The following KCNC2 variants were observed in gnomAD, a reference collection of about 807,000 sequenced individuals.
KCNC2 encodes the protein potassium voltage-gated channel subfamily C member 2, also known as voltage-gated potassium channel KCNC2.
A neutral mutation model predicts 44.5 loss-of-function variants in KCNC2; 21 were observed. The observed-to-expected ratio is 0.47, with a 90% CI of 0.33 to 0.68. The LOEUF (loss-of-function observed/expected upper bound fraction) is 0.68. KCNC2 is among the 30% of genes least tolerant of loss of function. KCNC2 has a pLI of 0.01. For synonymous variants in KCNC2, 391 were observed against 339.1 expected (o/e 1.15, Z -1.68); for missense variants, 589 against 826.2 (o/e 0.71, Z 3.52).
intron 2 of KCNC2, among the ~76,000 whole-genome samples, chr12:75,052,209 C>T (rs1881253210): frequency 1.3e-5 from 2 of 152,072 alleles, no homozygotes; most frequent in Non-Finnish European, 2.9e-5. Context: ...AGCACTACTC[C>T]TACTCCATTT....
chr12:75,200,189 T>C (rs2031122622), intron 2 of KCNC2, among the ~76,000 whole-genome samples: 1 of 151,872 alleles, frequency 6.6e-6, no homozygotes, highest in Non-Finnish European at 1.5e-5. Flanking sequence ...AATTTGTGCA[T>C]TTAGTGTTAA....
chr12:75,056,826 G>A (rs936415), intron 2 of KCNC2, among the ~76,000 whole-genome samples: 134,329 of 152,020 alleles, frequency 0.88, 59,492 homozygotes, highest in Admixed American at 0.91. Flanking sequence ...ACATGGAATG[G>A]TCTCCAAGGA....
At chr12:75,193,106 A>G (rs1375365420) in intron 2 of KCNC2, among the ~76,000 whole-genome samples, 1 of 152,178 alleles carries the variant, frequency 6.6e-6, no homozygotes, top group South Asian at 2.1e-4. Context: ...CGACAACAAA[A>G]TAGTGTTCCT....
At chr12:75,201,381 C>A (rs1006004400) in intron 2 of KCNC2, among the ~76,000 whole-genome samples, 2 of 150,284 alleles carry the variant, frequency 1.3e-5, no homozygotes, top group Middle Eastern at 3.2e-3. Context: ...CTTCCTCTCT[C>A]CCCCAGAATC....
At chr12:75,194,279 C>G (rs2030562456) in intron 2 of KCNC2, among the ~76,000 whole-genome samples, 1 of 151,992 alleles carries the variant, frequency 6.6e-6, no homozygotes, top group African/African-American at 2.4e-5. Flanking sequence ...AAACAGAGAC[C>G]CATACACTGA....
chr12:75,184,800 A>G (rs1892822928), intron 2 of KCNC2, among the ~76,000 whole-genome samples: 1 of 152,226 alleles, frequency 6.6e-6, no homozygotes, highest in South Asian at 2.1e-4. Context: ...CTGAAGAGCC[A>G]CTTATGTACT....
At chr12:75,086,922 G>C (rs1047980780) in intron 2 of KCNC2, among the ~76,000 whole-genome samples, 1 of 151,698 alleles carries the variant, frequency 6.6e-6, no homozygotes, top group Non-Finnish European at 1.5e-5. Flanking sequence ...AAATTCAAAA[G>C]CACTTTTTGA....
chr12:75,093,146 A>C (rs948064593), intron 2 of KCNC2, among the ~76,000 whole-genome samples: 5 of 151,578 alleles, frequency 3.3e-5, no homozygotes, highest in African/African-American at 1.2e-4. Context: ...CATGATTCAT[A>C]GAATCAAAAT....
At chr12:75,090,192 A>G (rs1458613) in intron 2 of KCNC2, among the ~76,000 whole-genome samples, 35,662 of 151,662 alleles carry the variant, frequency 0.24, 4,528 homozygotes, top group Admixed American at 0.3. Context: ...CAGAAATGCT[A>G]AATGTCTTCC....
At chr12:75,182,614 C>G (rs1316353919) in intron 2 of KCNC2, among the ~76,000 whole-genome samples, 1 of 151,348 alleles carries the variant, frequency 6.6e-6, no homozygotes, top group Non-Finnish European at 1.5e-5. Context: ...GTCTCTTACT[C>G]AAAACCTTGA....
intron 2 of KCNC2, among the ~76,000 whole-genome samples, chr12:75,077,899 A>C (rs1377217661): frequency 6.6e-6 from 1 of 152,044 alleles, no homozygotes; most frequent in Non-Finnish European, 1.5e-5. Flanking sequence ...TCCCAAAAGG[A>C]GAGTGGTATT....
Position 75,042,349 on chromosome 12 carries a change from A to C in KCNC2, c.*756T>G, listed in dbSNP as rs1472035863. The C allele has an allele frequency of 1.2e-6, 2 of 1,612,128 alleles. No homozygotes were observed. Among genetic ancestry groups the C allele is most frequent in the Non-Finnish European group, 1.7e-6 (2 of 1,178,838 alleles). ...ATCTGGCCTCGGCTTGCGTGTAACC[A>C]GTAATGACAACCTCTTTGCAGTTAT... On this transcript the variant is annotated 3_prime_UTR_variant, in exon 5 of 5. Coordinates refer to ENST00000549446, the MANE Select transcript of KCNC2 (RefSeq NM_139137.4).
intron 2 of KCNC2, among the ~76,000 whole-genome samples, chr12:75,202,209 AAG>A (rs775389410): frequency 1.3e-5 from 2 of 151,994 alleles, no homozygotes; most frequent in Non-Finnish European, 3.0e-5. Context: ...AATATTACAG[AAG>A]AGATCATACC....
In KCNC2 at chr12:75,041,237, A is replaced by C. The variant is rs1879867753; in HGVS notation, c.*1868T>G. 6 of 1,593,142 alleles carry C rather than the reference A, an allele frequency of 3.8e-6. No individual in the cohort carries two copies. The South Asian group carries it at 5.5e-5, about 15-fold the overall frequency. On this transcript the variant is annotated 3_prime_UTR_variant, in exon 5 of 5. Coordinates refer to ENST00000549446, the MANE Select transcript of KCNC2 (RefSeq NM_139137.4). ...GTCAATAACAGCAGCACCAGACAGC[A>C]TATTAATTCTTTTACCATAAATTTG... is the stretch of plus-strand genomic sequence containing the variant.
At chr12:75,198,578 A>G (rs1399922142) in intron 2 of KCNC2, among the ~76,000 whole-genome samples, 1 of 151,854 alleles carries the variant, frequency 6.6e-6, no homozygotes, top group Non-Finnish European at 1.5e-5. Context: ...ATATTTTCCT[A>G]AATACCAATT....
At chr12:75,137,243 C>T (rs1293503134) in intron 2 of KCNC2, among the ~76,000 whole-genome samples, 1 of 152,102 alleles carries the variant, frequency 6.6e-6, no homozygotes, top group Non-Finnish European at 1.5e-5. Flanking sequence ...ATACCAACTC[C>T]TCAAGGATCT....
intron 2 of KCNC2, among the ~76,000 whole-genome samples, chr12:75,130,955 T>C (rs1015037823): frequency 3.3e-5 from 5 of 151,976 alleles, no homozygotes; most frequent in Admixed American, 1.3e-4. Context: ...CGCCTCCTGT[T>C]TGGGTGCACC....
intron 2 of KCNC2, among the ~76,000 whole-genome samples, chr12:75,201,681 T>C (rs753035346): frequency 3.3e-5 from 5 of 151,838 alleles, no homozygotes; most frequent in Non-Finnish European, 7.4e-5. Context: ...TCACTTTCTA[T>C]GAAAATATTG....
Position 75,061,573 on chromosome 12 carries a change from ACACAC to A in KCNC2, c.688-10261_688-10257del. 9.6e-4 allele frequency among the ~76,000 whole-genome samples: 4 copies of A among 4,150 alleles called. 2 individuals carry two copies. In the South Asian group the frequency reaches 0.012, roughly 13 times the overall value. 2.7% of individuals were successfully genotyped at this position (4,150 alleles called of 152,430 possible). A position where few individuals can be genotyped will look rare whatever the true frequency, so the allele number is the denominator to read the frequency against. ...AGAAATATAAGTGACAAGTACACAC[ACACAC>A]ACACACACACACACACACACACACA... On this transcript the variant is annotated intron_variant, in intron 2 of 4. Coordinates refer to ENST00000549446, the MANE Select transcript of KCNC2 (RefSeq NM_139137.4).
Sources: gnomAD v4.1 joint callset for allele counts (sites outside exome capture counted in the v4.1 genomes callset) on GRCh38, gnomAD v4.1.1 for gene constraint, MANE v1.5 for transcripts, NCBI Gene and HGNC (gene_info 2026-07-23, HGNC 2026-07-21) for gene names.